HTR2C: variants seen among roughly 807,000 people sequenced by gnomAD.
The protein encoded by HTR2C is 5-hydroxytryptamine (serotonin) receptor 2C, G protein-coupled.
A neutral mutation model predicts 21.0 loss-of-function variants in HTR2C; 5 were observed. That is an observed-to-expected ratio of 0.24 (90% CI 0.12 to 0.50). The LOEUF (loss-of-function observed/expected upper bound fraction) is 0.50. HTR2C is among the 20% of genes least tolerant of loss of function. HTR2C has a pLI of 0.98. For synonymous variants in HTR2C, 150 were observed against 145.3 expected (o/e 1.03, Z -0.23); for missense variants, 271 against 371.2 (o/e 0.73, Z 2.22).
At chrX:114,802,645 T>C (rs1556447189) in intron 4 of HTR2C, among the ~76,000 whole-genome samples, 1 of 110,766 alleles carries the variant, frequency 9.0e-6, no homozygotes, top group Non-Finnish European at 1.9e-5. Flanking sequence ...TTTAGCTTTA[T>C]ATTTTCTGGC....
chrX:114,879,662 A>G (rs2071165575), intron 5 of HTR2C, among the ~76,000 whole-genome samples: 1 of 110,415 alleles, frequency 9.1e-6, no homozygotes, highest in Non-Finnish European at 1.9e-5. Context: ...ATTCCTTTGC[A>G]TCCTGATAGC....
chrX:114,729,543 A>G (rs1556422794), intron 3 of HTR2C, among the ~76,000 whole-genome samples: 1 of 111,898 alleles, frequency 8.9e-6, no homozygotes, highest in Non-Finnish European at 1.9e-5. Flanking sequence ...TTATTTCACT[A>G]ATTTTTACTC....
rs2071386046 is a variant in HTR2C, at chrX:114,907,637, T to A, written c.*222T>A. On this transcript the variant is annotated 3_prime_UTR_variant, in exon 6 of 6. Transcript: ENST00000276198. ...TAGGTGGAGACTAACTTATTTTGAT[T>A]GTTTGATGAATAAAATGTTTATTTT... is the stretch of plus-strand genomic sequence containing the variant. 3.3e-6 allele frequency: 1 copy of A among 303,356 alleles called. No homozygotes were observed. The highest frequency in any genetic ancestry group is 5.6e-5 in the Admixed American group (1 of 17,822). The allele number at this position is 303,356 out of a possible 1,213,427, so 25.0% of individuals were successfully genotyped here.
intron 1 of HTR2C, among the ~76,000 whole-genome samples, chrX:114,595,078 CTTAG>C (rs782789241): frequency 2.7e-5 from 3 of 111,422 alleles, no homozygotes; most frequent in Non-Finnish European, 3.8e-5. Flanking sequence ...ATAACTTCGA[CTTAG>C]TTAGGGCCAG....
chrX:114,842,946 A>C (rs1556466064), intron 4 of HTR2C, among the ~76,000 whole-genome samples: 2 of 112,036 alleles, frequency 1.8e-5, no homozygotes, highest in Non-Finnish European at 3.8e-5. Flanking sequence ...AAATCACTAA[A>C]CAGTCAAACA....
chrX:114,830,466 C>A (rs1408540268), intron 4 of HTR2C, among the ~76,000 whole-genome samples: 1 of 110,977 alleles, frequency 9.0e-6, no homozygotes, highest in Non-Finnish European at 1.9e-5. Flanking sequence ...TTTTCACATA[C>A]CTCAGTTACT....
chrX:114,665,935 T>G (rs1268776801), intron 2 of HTR2C, among the ~76,000 whole-genome samples: 1 of 112,150 alleles, frequency 8.9e-6, no homozygotes, highest in Non-Finnish European at 1.9e-5. Context: ...CTGATATGTC[T>G]TCTTTTTCGC....
chrX:114,900,621 A>T (rs1186474094), intron 5 of HTR2C: 1 of 111,800 alleles, frequency 8.9e-6, no homozygotes, highest in Admixed American at 9.5e-5. Flanking sequence ...CCTTGAAAAA[A>T]AATTTCCTCT....
At position 114,733,312 on chromosome X, in the gene HTR2C, A is replaced by G. The variant is rs781941924; in HGVS notation, c.349+1705A>G. The stretch of plus-strand genomic sequence containing the variant: ...GTAATCCCAACTACTCGGGAGGCTG[A>G]GGCAGGAGAATTGCTTGAACCTGGG... On this transcript the variant is annotated intron_variant, in intron 4 of 5. Transcript: ENST00000276198. Among the ~76,000 whole-genome samples the G allele has an allele frequency of 3.6e-5, 4 of 109,763 alleles. No homozygotes were observed. The South Asian group carries it at 1.6e-3, about 44-fold the overall frequency.
chrX:114,886,630 C>G (rs2071222100), intron 5 of HTR2C, among the ~76,000 whole-genome samples: 1 of 110,728 alleles, frequency 9.0e-6, no homozygotes, highest in African/African-American at 3.3e-5. Context: ...ATTCCTTTTT[C>G]CCCTTTCTGA....
chrX:114,746,399 A>G (rs1556426088), intron 4 of HTR2C, among the ~76,000 whole-genome samples: 1 of 111,889 alleles, frequency 8.9e-6, no homozygotes, highest in Admixed American at 9.5e-5. Context: ...CAATATATAA[A>G]AGGGATAATA....
Position 114,731,409 on chromosome X carries a change from G to A in HTR2C, c.151G>A (p.Gly51Arg). Residue 51 changes from glycine (G) to arginine (R), a missense_variant, in exon 4 of 6, where the codon GGG becomes AGG. Transcript: ENST00000276198. ...SDGGRFKFPD[G>R]VQNWPALSIV... Reference sequence around the variant, plus strand: ...TGGTGGACGCTTCAAATTCCCAGACGGGGTACAAAACTGGCCAGCACTTTC... The same window carrying A: ...TGGTGGACGCTTCAAATTCCCAGACAGGGTACAAAACTGGCCAGCACTTTC... 1 of 1,209,196 alleles carries A rather than the reference G, an allele frequency of 8.3e-7. No individual in the cohort carries two copies. The highest frequency in any genetic ancestry group is 1.7e-5 in the African/African-American group (1 of 57,512).
At position 114,806,313 on chromosome X, in the gene HTR2C, CTA is replaced by C. The variant is rs1556449520; in HGVS notation, c.350-41689_350-41688del. On this transcript the variant is annotated intron_variant, in intron 4 of 5. Coordinates refer to ENST00000276198, the MANE Select transcript of HTR2C (RefSeq NM_000868.4). ...TATAGATACACACCATATATATACA[CTA>C]CATATATACACCATATATATACACC... Among the ~76,000 whole-genome samples the C allele has an allele frequency of 1.7e-3, 166 of 96,293 alleles. 1 individual carries two copies. Among genetic ancestry groups the C allele is most frequent in the African/African-American group, 5.9e-3 (157 of 26,488 alleles). The allele number at this position is 96,293 out of a possible 115,157, so 83.6% of individuals were successfully genotyped here.
chrX:114,689,208 G>GTGTGTATATATATA (rs1556414750), intron 2 of HTR2C, among the ~76,000 whole-genome samples: 1 of 72,738 alleles, frequency 1.4e-5, no homozygotes, highest in African/African-American at 5.4e-5. Context: ...GTATGTATGC[G>GTGTGTATATATATA]TATATATATA....
chrX:114,834,628 C>T (rs1261301667), intron 4 of HTR2C, among the ~76,000 whole-genome samples: 66 of 104,857 alleles, frequency 6.3e-4, no homozygotes, highest in South Asian at 1.4e-3. Context: ...TTCCTGAATA[C>T]AGCACACTGA....
intron 5 of HTR2C, among the ~76,000 whole-genome samples, chrX:114,891,515 C>A (rs782268798): frequency 9.1e-6 from 1 of 110,320 alleles, no homozygotes; most frequent in Admixed American, 9.8e-5. Context: ...GTTTTCTTGA[C>A]TTCTAGTTGC....
At chrX:114,904,398 T>A (rs1319229399) in intron 5 of HTR2C, among the ~76,000 whole-genome samples, 21 of 111,445 alleles carry the variant, frequency 1.9e-4, no homozygotes, top group Non-Finnish European at 2.1e-4. Context: ...ACTCCAAACA[T>A]CATAATACTT....
intron 2 of HTR2C, among the ~76,000 whole-genome samples, chrX:114,636,218 C>G (rs782477223): frequency 9.0e-6 from 1 of 110,600 alleles, no homozygotes; most frequent in South Asian, 3.9e-4. Context: ...TGGTACTGAA[C>G]AGCAAGGAAC....
In HTR2C at chrX:114,909,377, A is replaced by C. The variant is rs931576612; in HGVS notation, c.*1962A>C. 1.8e-5 allele frequency: 2 copies of C among 112,426 alleles called. No homozygotes were observed. The highest frequency in any genetic ancestry group is 6.5e-5 in the African/African-American group (2 of 30,869). The allele number at this position is 112,426 out of a possible 1,213,427, so 9.3% of individuals were successfully genotyped here. On this transcript the variant is annotated 3_prime_UTR_variant, in exon 6 of 6. Coordinates refer to ENST00000276198, the MANE Select transcript of HTR2C (RefSeq NM_000868.4). Reference sequence around the variant, plus strand: ...GCATGTATGCCATGTATGTTGCATGAATCCATCGATTTGTATTAATGTAGG... The same window carrying C: ...GCATGTATGCCATGTATGTTGCATGCATCCATCGATTTGTATTAATGTAGG...
Sources: allele counts gnomAD v4.1 joint callset (sites outside exome capture counted in the v4.1 genomes callset), GRCh38; gene constraint gnomAD v4.1.1; transcripts MANE v1.5; gene names NCBI Gene and HGNC (gene_info 2026-07-23, HGNC 2026-07-21).